KIRREL3: variants seen among roughly 807,000 people sequenced by gnomAD.
The protein encoded by KIRREL3 is kirre like nephrin family adhesion molecule 3.
Under a neutral mutation model 89.7 loss-of-function variants are expected in KIRREL3, and 36 were observed. The ratio of observed to expected loss-of-function variants is 0.40; its 90% CI spans 0.31 to 0.53. The LOEUF (loss-of-function observed/expected upper bound fraction) is 0.53, where lower values mean the gene tolerates loss of function less well. Among genes scored for constraint, KIRREL3 ranks in the 20% least tolerant of loss-of-function variants. The pLI is 0.49. For synonymous variants in KIRREL3, 445 were observed against 441.4 expected, an observed-to-expected ratio of 1.01 and a Z score of -0.10; for missense variants, 864 against 1,056.6, an observed-to-expected ratio of 0.82 and a Z score of 2.53.
chr11:126,577,320 G>A (rs560321571), intron 1 of KIRREL3, among the ~76,000 whole-genome samples: 1 of 152,022 alleles, frequency 6.6e-6, no homozygotes, highest in East Asian at 1.9e-4. Context: ...AGGTCAGGTC[G>A]ATGGGTGGGG....
In KIRREL3 at chr11:126,805,625, T is replaced by A. The variant is rs1051937018; in HGVS notation, c.55+194830A>T. 2.6e-5 allele frequency among the ~76,000 whole-genome samples: 4 copies of A among 152,234 alleles called. No individual in the cohort carries two copies. The highest frequency in any genetic ancestry group is 4.8e-5 in the African/African-American group (2 of 41,460). ...CTATCATCTTGTCACCTGAAGAACA[T>A]TTATTTTCAGGGTGATTGCTAAACT... On this transcript the variant is annotated intron_variant, in intron 1 of 16. Transcript: ENST00000525144. The surrounding 1 kb of genome is among the most constrained non-coding windows in gnomAD (Gnocchi z 4.3).
chr11:126,456,906 T>C (rs1327706775), intron 6 of KIRREL3, among the ~76,000 whole-genome samples: 1 of 152,158 alleles, frequency 6.6e-6, no homozygotes, highest in Non-Finnish European at 1.5e-5. Context: ...GAAAGCGGCA[T>C]TTACACCCTT....
At chr11:126,823,069 C>T (rs186144883) in intron 1 of KIRREL3, among the ~76,000 whole-genome samples, 32 of 152,220 alleles carry the variant, frequency 2.1e-4, no homozygotes, top group African/African-American at 7.5e-4. Flanking sequence ...CTGGAGAGAA[C>T]TCAGGGAGTG....
chr11:126,944,700 G>A (rs1447935929), intron 1 of KIRREL3, among the ~76,000 whole-genome samples: 2 of 152,140 alleles, frequency 1.3e-5, no homozygotes, highest in African/African-American at 4.8e-5. Flanking sequence ...ACCCACACCT[G>A]CAAACCTGGG....
At chr11:126,806,727 T>G (rs1951214861) in intron 1 of KIRREL3, among the ~76,000 whole-genome samples, 3 of 152,136 alleles carry the variant, frequency 2.0e-5, no homozygotes. Flanking sequence ...GCAGATTTGT[T>G]ACATAGGTAT....
intron 1 of KIRREL3, among the ~76,000 whole-genome samples, chr11:126,700,226 G>C (rs539154505): frequency 6.6e-6 from 1 of 151,548 alleles, no homozygotes; most frequent in Admixed American, 6.6e-5. Context: ...GAGATATTCA[G>C]AGAACCGAAG....
rs146273287 is a variant in KIRREL3, at chr11:126,827,240, C to T, written c.55+173215G>A. Reference sequence around the variant, plus strand: ...TTGCCCAGGCTGGAGTGCAGTGGCACGATCTTGGTTCACTGCAATCTCTGC... The same window carrying T: ...TTGCCCAGGCTGGAGTGCAGTGGCATGATCTTGGTTCACTGCAATCTCTGC... On this transcript the variant is annotated intron_variant, in intron 1 of 16. Coordinates refer to ENST00000525144, the MANE Select transcript of KIRREL3 (RefSeq NM_032531.4). 9.7e-4 allele frequency among the ~76,000 whole-genome samples: 147 copies of T among 151,856 alleles called. 1 individual carries two copies. In the East Asian group the frequency reaches 0.021, roughly 22 times the overall value.
chr11:126,790,550 T>TA (rs950345081), intron 1 of KIRREL3, among the ~76,000 whole-genome samples: 30 of 152,172 alleles, frequency 2.0e-4, no homozygotes, highest in African/African-American at 4.6e-4. Context: ...CATGTTTAAT[T>TA]AAAAAAAATA....
At chr11:126,552,244 T>A (rs961703776) in intron 2 of KIRREL3, among the ~76,000 whole-genome samples, 4 of 152,200 alleles carry the variant, frequency 2.6e-5, no homozygotes, top group Admixed American at 2.6e-4. Flanking sequence ...TCCAGATGGC[T>A]GCTGGCAGCA....
In KIRREL3 at chr11:126,981,139, T is replaced by C. The variant is rs1227361919; in HGVS notation, c.55+19316A>G. ...TGAGTTCTAGATATTTGAAGCCTAA[T>C]ACCACAAACGTACCTCTCTGGACAA... On this transcript the variant is annotated intron_variant, in intron 1 of 16. Coordinates refer to ENST00000525144, the MANE Select transcript of KIRREL3 (RefSeq NM_032531.4). This position sits in a 1 kb window ranked among gnomAD's most constrained non-coding sequence, Gnocchi z 4.2. Among the ~76,000 whole-genome samples the C allele has an allele frequency of 6.6e-6, 1 of 152,284 alleles. No homozygotes were observed. The highest frequency in any genetic ancestry group is 1.5e-5 in the Non-Finnish European group (1 of 68,048).
Position 126,550,241 on chromosome 11 carries a change from T to C in KIRREL3, c.133+12594A>G, listed in dbSNP as rs958772430. On this transcript the variant is annotated intron_variant, in intron 2 of 16. Transcript: ENST00000525144. This position sits in a 1 kb window ranked among gnomAD's most constrained non-coding sequence, Gnocchi z 4.9. ...CACACACTGGTACTTGGCAGGGATA[T>C]GGAACCAGATGACCTTTGGTCCCTT... is the stretch of plus-strand genomic sequence containing the variant. 6.6e-5 allele frequency: 10 copies of C among 152,256 alleles called. No individual in the cohort carries two copies. Among genetic ancestry groups the C allele is most frequent in the African/African-American group, 2.4e-4 (10 of 41,462 alleles). The allele number at this position is 152,256 out of a possible 1,614,324, so 9.4% of individuals were successfully genotyped here.
intron 1 of KIRREL3, among the ~76,000 whole-genome samples, chr11:126,588,281 C>T (rs1262535082): frequency 6.6e-6 from 1 of 152,222 alleles, no homozygotes; most frequent in East Asian, 1.9e-4. Flanking sequence ...TGATACTCAG[C>T]TTCTCTGAGC....
chr11:126,939,327 T>G (rs1358318820), intron 1 of KIRREL3, among the ~76,000 whole-genome samples: 1 of 152,214 alleles, frequency 6.6e-6, no homozygotes, highest in African/African-American at 2.4e-5. Flanking sequence ...TCTTTCTGGA[T>G]GCTCTGTCCT....
At chr11:126,727,337 C>T (rs1948430301) in intron 1 of KIRREL3, among the ~76,000 whole-genome samples, 1 of 152,268 alleles carries the variant, frequency 6.6e-6, no homozygotes, top group Non-Finnish European at 1.5e-5. Context: ...TCCCAGACCC[C>T]TCGGAAAGTG....
chr11:126,722,886 T>C (rs1422423355), intron 1 of KIRREL3, among the ~76,000 whole-genome samples: 2 of 152,214 alleles, frequency 1.3e-5, no homozygotes, highest in Admixed American at 1.3e-4. Flanking sequence ...AGCTCAAATA[T>C]CACTTTTCAG....
intron 1 of KIRREL3, among the ~76,000 whole-genome samples, chr11:126,895,408 CTG>C (rs1191093331): frequency 1.4e-5 from 2 of 145,432 alleles, no homozygotes; most frequent in African/African-American, 5.1e-5. Flanking sequence ...GATTCCACCA[CTG>C]TACACTGCAG....
chr11:126,593,312 G>A (rs1037313439), intron 1 of KIRREL3, among the ~76,000 whole-genome samples: 30 of 152,316 alleles, frequency 2.0e-4, no homozygotes, highest in African/African-American at 5.3e-4. Flanking sequence ...ATTTAGCACC[G>A]TTATCGGGAG....
At chr11:126,873,401 T>C (rs908871291) in intron 1 of KIRREL3, among the ~76,000 whole-genome samples, 2 of 152,158 alleles carry the variant, frequency 1.3e-5, no homozygotes, top group Non-Finnish European at 2.9e-5. Flanking sequence ...GACTGGATAA[T>C]AGATCAAGCA....
Position 126,427,235 on chromosome 11 carries a change from A to C in KIRREL3, c.1807-1511T>G, listed in dbSNP as rs1954978098. On this transcript the variant is annotated intron_variant, in intron 15 of 16. Transcript: ENST00000525144. This position sits in a 1 kb window ranked among gnomAD's most constrained non-coding sequence, Gnocchi z 5.3. ...GGTTTCCTCCCTCGTAAAACTAAAC[A>C]CTCCACTGTGTTAATTTTAACAGTG... is the stretch of plus-strand genomic sequence containing the variant. 6.6e-6 allele frequency among the ~76,000 whole-genome samples: 1 copy of C among 151,938 alleles called. No homozygotes were observed. Among genetic ancestry groups the C allele is most frequent in the African/African-American group, 2.4e-5 (1 of 41,352 alleles).
Sources: gnomAD v4.1 joint callset for allele counts (sites outside exome capture counted in the v4.1 genomes callset) on GRCh38, gnomAD v4.1.1 for gene constraint, Gnocchi (gnomAD v3.1) non-coding constraint, MANE v1.5 for transcripts, NCBI Gene and HGNC (gene_info 2026-07-23, HGNC 2026-07-21) for gene names.